Variants in ZSWIM5 observed in about 807,000 individuals in gnomAD.
ZSWIM5 encodes zinc finger SWIM-type containing 5.
A neutral mutation model predicts 119.6 loss-of-function variants in ZSWIM5; 55 were observed. That is an observed-to-expected ratio of 0.46 (90% CI 0.37 to 0.58). The LOEUF (loss-of-function observed/expected upper bound fraction) is 0.58, where lower values mean the gene tolerates loss of function less well. Among genes scored for constraint, ZSWIM5 ranks in the 20% least tolerant of loss-of-function variants. The pLI, the probability that ZSWIM5 is intolerant of heterozygous loss-of-function variation, is 0.00. For missense variants in ZSWIM5, 1,193 were observed against 1,512.8 expected, an observed-to-expected ratio of 0.79 and a Z score of 3.51; for synonymous variants, 537 against 606.9, an observed-to-expected ratio of 0.88 and a Z score of 1.69.
chr1:45,113,059 G>C (rs140400223), intron 1 of ZSWIM5, among the ~76,000 whole-genome samples: 99 of 152,302 alleles, frequency 6.5e-4, no homozygotes, highest in African/African-American at 2.3e-3. Context: ...CTCTTAAAAA[G>C]TGCTGCTACA....
intron 1 of ZSWIM5, among the ~76,000 whole-genome samples, chr1:45,120,944 A>G (rs975053804): frequency 1.3e-5 from 2 of 149,936 alleles, no homozygotes; most frequent in Non-Finnish European, 3.0e-5. Flanking sequence ...TCTGGATCCT[A>G]TCACTTTTCA....
chr1:45,118,802 C>T (rs959719700), intron 1 of ZSWIM5, among the ~76,000 whole-genome samples: 2 of 150,654 alleles, frequency 1.3e-5, no homozygotes, highest in Non-Finnish European at 3.0e-5. Flanking sequence ...GAATTAATCA[C>T]TTATCCAATA....
intron 2 of ZSWIM5, among the ~76,000 whole-genome samples, chr1:45,082,390 AATCT>A (rs1645299169): frequency 6.6e-6 from 1 of 152,208 alleles, no homozygotes. Flanking sequence ...CTCAAACTTA[AATCT>A]ATCTTCCTCC....
intron 1 of ZSWIM5, among the ~76,000 whole-genome samples, chr1:45,149,229 A>G (rs1645781036): frequency 6.6e-6 from 1 of 152,206 alleles, no homozygotes. Flanking sequence ...GTACCACATC[A>G]CGCTAGCCTG....
intron 1 of ZSWIM5, among the ~76,000 whole-genome samples, chr1:45,189,179 G>A (rs1049607139): frequency 1.3e-5 from 2 of 152,108 alleles, no homozygotes; most frequent in Non-Finnish European, 2.9e-5. Context: ...GCCAGGGATG[G>A]TAGTGCACAC....
In ZSWIM5 at chr1:45,043,292, A is replaced by G. The variant is rs1180280456; in HGVS notation, c.1536T>C (p.Val512=). 1 of 1,614,214 alleles carries G rather than the reference A, an allele frequency of 6.2e-7. No homozygotes were observed. The highest frequency in any genetic ancestry group is 1.1e-5 in the South Asian group (1 of 91,076). ...CCCGCTGGCAGGCAGGAGCTGTATAAACATCACTGCTGATTATTCGCTGTA... is the reference window on the plus strand; with the variant it reads ...CCCGCTGGCAGGCAGGAGCTGTATAGACATCACTGCTGATTATTCGCTGTA... The part of the protein sequence containing the change: ...SHLQRIISSD[V]YTAPACQRES... The change falls in exon 6 of 14, where the codon GTT becomes GTC. Residue 512 remains valine (V), a synonymous_variant. Transcript: ENST00000359600.
chr1:45,039,640 C>G (rs1645007418), intron 7 of ZSWIM5, among the ~76,000 whole-genome samples: 1 of 152,172 alleles, frequency 6.6e-6, no homozygotes, highest in Non-Finnish European at 1.5e-5. Context: ...CCGATTCACC[C>G]TACCAAAGTC....
intron 1 of ZSWIM5, among the ~76,000 whole-genome samples, chr1:45,151,268 T>C (rs989525843): frequency 1.3e-5 from 2 of 151,998 alleles, no homozygotes; most frequent in Non-Finnish European, 2.9e-5. Context: ...AAATGGTCTA[T>C]GTCAACCTTT....
chr1:45,137,018 C>T (rs1050218879), intron 1 of ZSWIM5, among the ~76,000 whole-genome samples: 1 of 152,190 alleles, frequency 6.6e-6, no homozygotes, highest in Non-Finnish European at 1.5e-5. Context: ...CTCTTAGCTT[C>T]TCCCTTCTAC....
chr1:45,126,948 A>G (rs1221472722), intron 1 of ZSWIM5, among the ~76,000 whole-genome samples: 1 of 152,062 alleles, frequency 6.6e-6, no homozygotes, highest in Non-Finnish European at 1.5e-5. Context: ...AAGCAATGCT[A>G]CCACCTCGTT....
At chr1:45,036,754 T>C (rs1557743127) in intron 8 of ZSWIM5, among the ~76,000 whole-genome samples, 1 of 152,050 alleles carries the variant, frequency 6.6e-6, no homozygotes, top group East Asian at 1.9e-4. Flanking sequence ...GAAAATATAC[T>C]GAAAAAAAGG....
chr1:45,175,643 T>C (rs1645975611), intron 1 of ZSWIM5, among the ~76,000 whole-genome samples: 1 of 151,522 alleles, frequency 6.6e-6, no homozygotes, highest in Non-Finnish European at 1.5e-5. Flanking sequence ...GTAGAGACGG[T>C]GTTTTGCCAT....
chr1:45,036,745 AAAATATACTG>A (rs1174939822), intron 8 of ZSWIM5, among the ~76,000 whole-genome samples: 1 of 152,088 alleles, frequency 6.6e-6, no homozygotes. Flanking sequence ...AATAGTAAGG[AAAATATACTG>A]AAAAAAAGGT....
chr1:45,076,532 T>C (rs1645257301), intron 2 of ZSWIM5, among the ~76,000 whole-genome samples: 1 of 152,216 alleles, frequency 6.6e-6, no homozygotes, highest in Non-Finnish European at 1.5e-5. Context: ...ATCCTTTCTT[T>C]ATCCTTGACC....
intron 2 of ZSWIM5, among the ~76,000 whole-genome samples, chr1:45,071,373 G>A (rs1434034463): frequency 6.7e-6 from 1 of 149,170 alleles, no homozygotes; most frequent in Admixed American, 6.7e-5. Flanking sequence ...ATGTGATGAT[G>A]TTTGTCTTTC....
chr1:45,124,251 G>GA (rs894884066), intron 1 of ZSWIM5, among the ~76,000 whole-genome samples: 13 of 150,852 alleles, frequency 8.6e-5, no homozygotes, highest in East Asian at 1.9e-4. Context: ...TTGACACTTG[G>GA]AAAAAAAAAT....
At chr1:45,149,199 G>C (rs1645780596) in intron 1 of ZSWIM5, among the ~76,000 whole-genome samples, 1 of 152,104 alleles carries the variant, frequency 6.6e-6, no homozygotes, top group Admixed American at 6.5e-5. Context: ...AGGAGTTTGA[G>C]GCTGCAGTGG....
At chr1:45,107,374 C>T (rs561632765) in intron 1 of ZSWIM5, among the ~76,000 whole-genome samples, 2 of 152,134 alleles carry the variant, frequency 1.3e-5, no homozygotes, top group African/African-American at 2.4e-5. Flanking sequence ...CGTGGTGGCT[C>T]ACACCTGTAA....
At chr1:45,160,254 T>C (rs1280483244) in intron 1 of ZSWIM5, among the ~76,000 whole-genome samples, 1 of 152,224 alleles carries the variant, frequency 6.6e-6, no homozygotes. Flanking sequence ...GTCAGGGTAT[T>C]TGAGGTGCTC....
Sources: gnomAD v4.1 joint callset for allele counts (sites outside exome capture counted in the v4.1 genomes callset) on GRCh38, gnomAD v4.1.1 for gene constraint, MANE v1.5 for transcripts, NCBI Gene and HGNC (gene_info 2026-07-23, HGNC 2026-07-21) for gene names.